The following SIRPD variants were observed in gnomAD, a reference collection of about 807,000 sequenced individuals.
SIRPD encodes signal regulatory protein delta.
A neutral mutation model predicts 18.0 loss-of-function variants in SIRPD; 21 were observed. The observed-to-expected ratio is 1.17, with a 90% CI of 0.83 to 1.68. The LOEUF is 1.68. Ranked by LOEUF, SIRPD falls within the 40% of genes most tolerant of loss-of-function variation. The pLI is 0.00. For synonymous variants in SIRPD, 106 were observed against 92.9 expected (o/e 1.14, Z -0.81); for missense variants, 295 against 238.4 (o/e 1.24, Z -1.56).
chr20:1,536,246 T>A (rs1467833774), intron 3 of SIRPD, among the ~76,000 whole-genome samples: 1 of 152,224 alleles, frequency 6.6e-6, no homozygotes, highest in Non-Finnish European at 1.5e-5. Flanking sequence ...CTATATTAAT[T>A]AACTAGTTTG....
intron 2 of SIRPD, among the ~76,000 whole-genome samples, chr20:1,543,915 T>TTTGA (rs2090982613): frequency 6.6e-6 from 1 of 152,248 alleles, no homozygotes; most frequent in Non-Finnish European, 1.5e-5. Flanking sequence ...TCCATGTAGA[T>TTTGA]GTGCAGTTTT....
intron 2 of SIRPD, among the ~76,000 whole-genome samples, chr20:1,550,786 C>G (rs76373388): frequency 6.6e-6 from 1 of 152,190 alleles, no homozygotes; most frequent in African/African-American, 2.4e-5. Context: ...GGTTCCTCAT[C>G]TGTACAGTGA....
chr20:1,536,953 G>T (rs527328070), intron 3 of SIRPD, among the ~76,000 whole-genome samples: 20 of 152,278 alleles, frequency 1.3e-4, no homozygotes, highest in African/African-American at 4.6e-4. Context: ...CAAGCAAGAA[G>T]AATTCTGGAA....
At chr20:1,543,059 G>A (rs1161343573) in intron 2 of SIRPD, among the ~76,000 whole-genome samples, 2 of 152,132 alleles carry the variant, frequency 1.3e-5, no homozygotes, top group Admixed American at 6.6e-5. Context: ...TTTTTGCATC[G>A]ATGTGTTCAT....
At chr20:1,543,688 C>T (rs1214083881) in intron 2 of SIRPD, among the ~76,000 whole-genome samples, 1 of 152,000 alleles carries the variant, frequency 6.6e-6, no homozygotes, top group Non-Finnish European at 1.5e-5. Flanking sequence ...GCTCTAGCTT[C>T]TCTAGTTCTT....
At chr20:1,548,849 T>C (rs2091005856) in intron 2 of SIRPD, among the ~76,000 whole-genome samples, 1 of 152,124 alleles carries the variant, frequency 6.6e-6, no homozygotes. Context: ...AGTTTCCTTT[T>C]TCAGTCTCCG....
At chr20:1,544,653 T>G (rs2090986138) in intron 2 of SIRPD, among the ~76,000 whole-genome samples, 2 of 152,228 alleles carry the variant, frequency 1.3e-5, no homozygotes, top group Non-Finnish European at 2.9e-5. Context: ...AATTCGATCC[T>G]GTCATTATGA....
At chr20:1,541,562 C>A (rs2090971588) in intron 2 of SIRPD, among the ~76,000 whole-genome samples, 1 of 152,120 alleles carries the variant, frequency 6.6e-6, no homozygotes, top group Non-Finnish European at 1.5e-5. Context: ...GGATAGATTG[C>A]AAAAATTTTC....
At chr20:1,538,490 C>T (rs891419499) in intron 2 of SIRPD, among the ~76,000 whole-genome samples, 4 of 152,150 alleles carry the variant, frequency 2.6e-5, no homozygotes, top group African/African-American at 9.7e-5. Context: ...TGCTCTTCGA[C>T]ACTCTTCCCA....
At chr20:1,548,912 A>AT (rs1175074118) in intron 2 of SIRPD, among the ~76,000 whole-genome samples, 1 of 151,752 alleles carries the variant, frequency 6.6e-6, no homozygotes, top group South Asian at 2.1e-4. Context: ...TTCTTTGAAT[A>AT]TTTTTTTCTG....
intron 2 of SIRPD, among the ~76,000 whole-genome samples, chr20:1,544,716 T>C (rs2090986376): frequency 6.6e-6 from 1 of 152,226 alleles, no homozygotes; most frequent in Non-Finnish European, 1.5e-5. Flanking sequence ...ATAGTGTCAA[T>C]AGTTTTTACA....
Position 1,554,505 on chromosome 20 carries a change from C to T in SIRPD, c.74-2467G>A, listed in dbSNP as rs186467543. 6.1e-3 allele frequency among the ~76,000 whole-genome samples: 926 copies of T among 152,218 alleles called. 8 individuals are homozygous for T. The highest frequency in any genetic ancestry group is 7.2e-3 in the Non-Finnish European group (491 of 68,016). ...CAAATAGGAGAATGACACTTTCCTT[C>T]TGCATCGGGATATGAGGATGGCCTG... is the stretch of plus-strand genomic sequence containing the variant. On this transcript the variant is annotated intron_variant, in intron 1 of 3. Transcript: ENST00000381623.
chr20:1,537,815 A>G (rs1447223726), intron 2 of SIRPD, among the ~76,000 whole-genome samples: 4 of 152,174 alleles, frequency 2.6e-5, no homozygotes, highest in Non-Finnish European at 5.9e-5. Context: ...GTGAGCAAGG[A>G]GTTCGATCTT....
At chr20:1,554,878 G>A (rs1227175751) in intron 1 of SIRPD, among the ~76,000 whole-genome samples, 4 of 152,178 alleles carry the variant, frequency 2.6e-5, no homozygotes, top group Non-Finnish European at 4.4e-5. Flanking sequence ...TATTACAATG[G>A]TTGGTTTGTC....
intron 1 of SIRPD, 73 bp from the exon 2 acceptor site, chr20:1,552,111 C>T (rs1451122027): frequency 4.0e-6 from 5 of 1,262,054 alleles, no homozygotes; most frequent in Non-Finnish European, 5.6e-6. Flanking sequence ...CACGGTTGGG[C>T]CTCATTCATT....
At chr20:1,545,954 G>A (rs1172149731) in intron 2 of SIRPD, among the ~76,000 whole-genome samples, 1 of 152,216 alleles carries the variant, frequency 6.6e-6, no homozygotes, top group African/African-American at 2.4e-5. Context: ...GGAGACTGCA[G>A]AACAGCAAAG....
At chr20:1,556,424 C>T (rs959681992) in intron 1 of SIRPD, among the ~76,000 whole-genome samples, 1 of 152,150 alleles carries the variant, frequency 6.6e-6, no homozygotes, top group Non-Finnish European at 1.5e-5. Flanking sequence ...AAATGCAGTA[C>T]ATAAACCAAC....
chr20:1,548,836 T>C (rs2091005807), intron 2 of SIRPD, among the ~76,000 whole-genome samples: 2 of 152,286 alleles, frequency 1.3e-5, no homozygotes, highest in Non-Finnish European at 2.9e-5. Context: ...TTCTAGTAAT[T>C]TGAGTTTCCT....
chr20:1,555,571 A>G (rs1376608598), intron 1 of SIRPD, among the ~76,000 whole-genome samples: 1 of 152,236 alleles, frequency 6.6e-6, no homozygotes, highest in African/African-American at 2.4e-5. Context: ...GTAGACATGT[A>G]TAAGAACATC....
Sources: gnomAD v4.1 joint callset for allele counts (sites outside exome capture counted in the v4.1 genomes callset) on GRCh38, gnomAD v4.1.1 for gene constraint, MANE v1.5 for transcripts, NCBI Gene and HGNC (gene_info 2026-07-23, HGNC 2026-07-21) for gene names.